Variants in PCDHGA3 observed in about 807,000 individuals in gnomAD.
The protein encoded by PCDHGA3 is protocadherin gamma-A3.
A neutral mutation model predicts 58.5 loss-of-function variants in PCDHGA3; 40 were observed. The ratio of observed to expected loss-of-function variants is 0.68; its 90% CI spans 0.53 to 0.89. PCDHGA3 has a LOEUF of 0.89. PCDHGA3 is among the 40% of genes least tolerant of loss of function. PCDHGA3 has a pLI of 0.00. For synonymous variants in PCDHGA3, 530 were observed against 525.7 expected (o/e 1.01, Z -0.11); for missense variants, 1,223 against 1,195.9 (o/e 1.02, Z -0.33).
At chr5:141,392,608 AT>A in intron 1 of PCDHGA3, 1 of 519,670 alleles carries the variant, frequency 1.9e-6, no homozygotes, top group Non-Finnish European at 3.3e-6. Context: ...TGGAAGACAA[AT>A]GCAACCGAAA....
chr5:141,498,971 G>GGGAAGGAAGGAAGGAAGGAAGGAA (rs201769957), intron 2 of PCDHGA3, among the ~76,000 whole-genome samples: 2 of 110,972 alleles, frequency 1.8e-5, no homozygotes, highest in African/African-American at 3.6e-5. Context: ...GAGGGAGGGA[G>GGGAAGGAAGGAAGGAAGGAAGGAA]GGAAGGAAGG....
In PCDHGA3 at chr5:141,491,406, C is replaced by G. The variant is rs773729429; in HGVS notation, c.2425-3401C>G. On this transcript the variant is annotated intron_variant, in intron 1 of 3. Transcript: ENST00000253812. This position sits in a 1 kb window ranked among gnomAD's most constrained non-coding sequence, Gnocchi z 6.9. ...CGAAGTGCCTTCAGGGAAACGCAGA[C>G]GGGGACGGGGGTGGAGGGCAGTGCT... 9 of 1,613,978 alleles carry G rather than the reference C, an allele frequency of 5.6e-6. No homozygotes were observed.
At chr5:141,364,869 T>G (rs1187168738) in intron 1 of PCDHGA3, 1 of 1,613,998 alleles carries the variant, frequency 6.2e-7, no homozygotes, top group East Asian at 2.2e-5. Flanking sequence ...CACTTCTCTC[T>G]GGATGTGGTA....
intron 1 of PCDHGA3, chr5:141,408,243 G>T: frequency 6.3e-7 from 1 of 1,583,996 alleles, no homozygotes; most frequent in African/African-American, 1.3e-5. Context: ...GCCGGCCCGC[G>T]GCAGGTGCTA....
chr5:141,509,308 C>G (rs943174290), intron 3 of PCDHGA3, among the ~76,000 whole-genome samples: 6 of 152,152 alleles, frequency 3.9e-5, no homozygotes, highest in African/African-American at 1.4e-4. Flanking sequence ...CAGAGGGAGG[C>G]TGGGAGAGAA....
chr5:141,411,193 AAAAC>A (rs1267742802), intron 1 of PCDHGA3: 2 of 152,212 alleles, frequency 1.3e-5, no homozygotes, highest in African/African-American at 4.8e-5. Flanking sequence ...GGCATCTAAG[AAAAC>A]AAACAAGTAA....
At chr5:141,414,496 C>T in intron 1 of PCDHGA3, 7 of 1,613,956 alleles carry the variant, frequency 4.3e-6, no homozygotes, top group Middle Eastern at 1.6e-4. Flanking sequence ...AACGGAAGCT[C>T]ACTTTATGCT....
chr5:141,477,884 G>A lies in PCDHGA3; in HGVS notation c.2425-16923G>A. On this transcript the variant is annotated intron_variant, in intron 1 of 3. Transcript: ENST00000253812. The surrounding 1 kb of genome is among the most constrained non-coding windows in gnomAD (Gnocchi z 4.9). ...TCGAGGTACCTCAGCTGGCCACCTA[G>A]TGTCACGGGTGGTAGGCTGGGACGC... 6.2e-7 allele frequency: 1 copy of A among 1,614,190 alleles called. No homozygotes were observed. The highest frequency in any genetic ancestry group is 8.5e-7 in the Non-Finnish European group (1 of 1,180,036).
chr5:141,385,418 A>T (rs1317845643), intron 1 of PCDHGA3: 10 of 1,466,496 alleles, frequency 6.8e-6, no homozygotes, highest in Non-Finnish European at 8.1e-6. Context: ...ATAGGGATTT[A>T]AAAAACTTTA....
chr5:141,374,735 G>A (rs760557076), intron 1 of PCDHGA3: 1 of 1,610,874 alleles, frequency 6.2e-7, no homozygotes. Flanking sequence ...CATGGATGGC[G>A]GCGACCCTGT....
Position 141,410,849 on chromosome 5 carries a change from C to CTTTTTTTTT in PCDHGA3, c.2424+64406_2424+64414dup, listed in dbSNP as rs759346998. 1.7e-3 allele frequency: 239 copies of CTTTTTTTTT among 138,144 alleles called. 16 individuals are homozygous for CTTTTTTTTT. Among genetic ancestry groups the CTTTTTTTTT allele is most frequent in the African/African-American group, 4.5e-3 (75 of 16,616 alleles). 8.6% of individuals were successfully genotyped at this position (138,144 alleles called of 1,614,324 possible). On this transcript the variant is annotated intron_variant, in intron 1 of 3. Coordinates refer to ENST00000253812, the MANE Select transcript of PCDHGA3 (RefSeq NM_018916.4). ...CAGACTGAAGATATTTTGTCTTTGT[C>CTTTTTTTTT]TTTTTTTTTTTTTTTTTTTTTTGAG...
intron 1 of PCDHGA3, chr5:141,367,882 A>C (rs1403559847): frequency 6.6e-6 from 1 of 152,094 alleles, no homozygotes; most frequent in Non-Finnish European, 1.5e-5. Context: ...ATTCTTCTTT[A>C]TTACTTGAGT....
At chr5:141,483,122 A>G (rs1159736878) in intron 1 of PCDHGA3, among the ~76,000 whole-genome samples, 1 of 152,166 alleles carries the variant, frequency 6.6e-6, no homozygotes, top group Non-Finnish European at 1.5e-5. Context: ...CAGTCTTTGT[A>G]GGAGATGAGG....
In PCDHGA3 at chr5:141,374,403, A is replaced by G. The variant is rs201390749; in HGVS notation, c.2424+27946A>G. 6.2e-4 allele frequency: 999 copies of G among 1,613,916 alleles called. 2 individuals are homozygous for G. Among genetic ancestry groups the G allele is most frequent in the Non-Finnish European group, 8.1e-4 (961 of 1,179,908 alleles). ...AGCCCGCGGTGTCTGGTGAGTTTTA[A>G]CATCCTTGTCGAGGATAAACTGAAT... On this transcript the variant is annotated intron_variant, in intron 1 of 3. Coordinates refer to ENST00000253812, the MANE Select transcript of PCDHGA3 (RefSeq NM_018916.4).
At chr5:141,399,806 A>G in intron 1 of PCDHGA3, 1 of 1,613,106 alleles carries the variant, frequency 6.2e-7, no homozygotes, top group Non-Finnish European at 8.5e-7. Context: ...CGGGTGCTGT[A>G]CCCCGCGCTG....
chr5:141,362,075 G>T (rs533999436), intron 1 of PCDHGA3: 1 of 1,612,962 alleles, frequency 6.2e-7, no homozygotes, highest in Non-Finnish European at 8.5e-7. Flanking sequence ...GTCGCTGTGC[G>T]TGATGGAGGA....
rs765263883 is a variant in PCDHGA3 at position 141,491,018 on chromosome 5, C to T, written c.2425-3789C>T. On this transcript the variant is annotated intron_variant, in intron 1 of 3. Coordinates refer to ENST00000253812, the MANE Select transcript of PCDHGA3 (RefSeq NM_018916.4). This position sits in a 1 kb window ranked among gnomAD's most constrained non-coding sequence, Gnocchi z 6.9. The stretch of plus-strand genomic sequence containing the variant: ...CCTGGCTCCTTGGTCACCAAGGTGA[C>T]AGCCGTGGATGCTGATGCAGGCCAC... 1.2e-6 allele frequency: 2 copies of T among 1,614,146 alleles called. No individual in the cohort carries two copies. The highest frequency in any genetic ancestry group is 1.7e-6 in the Non-Finnish European group (2 of 1,180,042).
At chr5:141,472,729 T>G (rs2099294506) in intron 1 of PCDHGA3, among the ~76,000 whole-genome samples, 1 of 152,004 alleles carries the variant, frequency 6.6e-6, no homozygotes. Context: ...CTCACACCTG[T>G]AATCCCAGCA....
At position 141,486,873 on chromosome 5, in the gene PCDHGA3, G is replaced by A. The variant is rs769661146; in HGVS notation, c.2425-7934G>A. On this transcript the variant is annotated intron_variant, in intron 1 of 3. Transcript: ENST00000253812. This position sits in a 1 kb window ranked among gnomAD's most constrained non-coding sequence, Gnocchi z 5.0. ...AATGACAATGCTCCAGCTGTGCTCCGTCCTCGGGCCCGGCCTGGTTCCTTA... is the reference window on the plus strand; with the variant it reads ...AATGACAATGCTCCAGCTGTGCTCCATCCTCGGGCCCGGCCTGGTTCCTTA... 1.6e-5 allele frequency: 26 copies of A among 1,614,082 alleles called. No individual in the cohort carries two copies. Among genetic ancestry groups the A allele is most frequent in the African/African-American group, 4.0e-5 (3 of 74,922 alleles).
Sources: allele counts gnomAD v4.1 joint callset (sites outside exome capture counted in the v4.1 genomes callset), GRCh38; gene constraint gnomAD v4.1.1; non-coding constraint Gnocchi (gnomAD v3.1); transcripts MANE v1.5; gene names NCBI Gene and HGNC (gene_info 2026-07-23, HGNC 2026-07-21).